Variants in COL25A1 observed in about 807,000 individuals in gnomAD.
COL25A1 encodes the protein collagen type XXV alpha 1 chain.
COL25A1 carries 103 observed loss-of-function variants against 128.4 expected under a neutral mutation model. The ratio of observed to expected loss-of-function variants is 0.80; its 90% CI spans 0.68 to 0.94. The LOEUF (loss-of-function observed/expected upper bound fraction) is 0.94. Among genes scored for constraint, COL25A1 ranks in the 40% least tolerant of loss-of-function variants. COL25A1 has a pLI of 0.00. For missense variants in COL25A1, 745 were observed against 840.0 expected (o/e 0.89, Z 1.40); for synonymous variants, 279 against 277.2 (o/e 1.01, Z -0.06).
chr4:108,915,986 T>C (rs1248375139), intron 13 of COL25A1, among the ~76,000 whole-genome samples: 1 of 152,240 alleles, frequency 6.6e-6, no homozygotes, highest in Admixed American at 6.5e-5. Flanking sequence ...TCATTTCATG[T>C]GCTCTAAGTA....
At chr4:109,052,193 AACAG>A (rs1460855758) in intron 3 of COL25A1, among the ~76,000 whole-genome samples, 3 of 151,504 alleles carry the variant, frequency 2.0e-5, no homozygotes, top group Non-Finnish European at 2.9e-5. Context: ...ATTTTTACTT[AACAG>A]ACAGAAGATT....
At chr4:108,829,361 C>G (rs1732780955) in intron 32 of COL25A1, among the ~76,000 whole-genome samples, 1 of 151,590 alleles carries the variant, frequency 6.6e-6, no homozygotes, top group South Asian at 2.1e-4. Flanking sequence ...AACAAAATAA[C>G]TAGTAAGGTG....
intron 11 of COL25A1, among the ~76,000 whole-genome samples, chr4:108,936,128 T>G (rs932424807): frequency 2.6e-5 from 4 of 152,250 alleles, no homozygotes; most frequent in Non-Finnish European, 1.5e-5. Context: ...GAATTCTTCA[T>G]ACTCTATAAC....
intron 3 of COL25A1, among the ~76,000 whole-genome samples, chr4:109,125,741 CA>C (rs1450807377): frequency 6.6e-6 from 1 of 152,104 alleles, no homozygotes; most frequent in Non-Finnish European, 1.5e-5. Context: ...GATACTGGCA[CA>C]ACTCCTGTAG....
chr4:108,940,789 G>T, intron 9 of COL25A1, 143 bp from the exon 10 acceptor site: 1 of 584,520 alleles, frequency 1.7e-6, no homozygotes, highest in Non-Finnish European at 2.9e-6. Context: ...AAAGCCTGTA[G>T]GCAATTTGCT....
chr4:109,253,916 T>C (rs550981241), intron 3 of COL25A1, among the ~76,000 whole-genome samples: 30 of 152,044 alleles, frequency 2.0e-4, no homozygotes, highest in Non-Finnish European at 2.8e-4. Flanking sequence ...TGAAACCCTG[T>C]CTCTACTAAA....
chr4:109,217,478 G>A (rs1021161210), intron 3 of COL25A1, among the ~76,000 whole-genome samples: 7 of 151,942 alleles, frequency 4.6e-5, no homozygotes, highest in Non-Finnish European at 7.4e-5. Flanking sequence ...CTAAATAACT[G>A]TAAGAGAAAT....
chr4:108,958,682 C>T (rs1200668161), intron 8 of COL25A1, among the ~76,000 whole-genome samples: 2 of 152,064 alleles, frequency 1.3e-5, no homozygotes, highest in East Asian at 3.9e-4. Context: ...ACATTATTTA[C>T]ATGTTACTTA....
Position 108,813,906 on chromosome 4 carries a change from A to C in COL25A1, c.*21T>G, listed in dbSNP as rs746239873. On this transcript the variant is annotated 3_prime_UTR_variant, in exon 38 of 38. Coordinates refer to ENST00000399132, the MANE Select transcript of COL25A1 (RefSeq NM_198721.4). Reference sequence around the variant, plus strand: ...AATGGACCCTTATATACACAACTTCATGCTTGAAAGGTTAGATTCATCACT... The same window carrying C: ...AATGGACCCTTATATACACAACTTCCTGCTTGAAAGGTTAGATTCATCACT... 1.3e-6 allele frequency: 2 copies of C among 1,587,208 alleles called. No homozygotes were observed. Among genetic ancestry groups the C allele is most frequent in the African/African-American group, 2.7e-5 (2 of 74,128 alleles).
chr4:108,873,182 T>TC (rs1738981864), intron 19 of COL25A1, among the ~76,000 whole-genome samples: 1 of 151,966 alleles, frequency 6.6e-6, no homozygotes, highest in Admixed American at 6.6e-5. Flanking sequence ...TGTGAGCCAC[T>TC]CCCCCCAGGC....
intron 3 of COL25A1, among the ~76,000 whole-genome samples, chr4:109,194,733 G>A (rs1256176485): frequency 1.3e-5 from 2 of 151,990 alleles, no homozygotes; most frequent in African/African-American, 2.4e-5. Flanking sequence ...AATGGCCCCC[G>A]TTCTTCACCA....
At chr4:108,916,808 GA>G (rs1744929818) in intron 13 of COL25A1, among the ~76,000 whole-genome samples, 1 of 152,146 alleles carries the variant, frequency 6.6e-6, no homozygotes, top group Non-Finnish European at 1.5e-5. Flanking sequence ...TTACTAAGTG[GA>G]AAATGTAGCT....
At chr4:109,214,794 C>A (rs1777857728) in intron 3 of COL25A1, among the ~76,000 whole-genome samples, 1 of 152,020 alleles carries the variant, frequency 6.6e-6, no homozygotes, top group Admixed American at 6.6e-5. Flanking sequence ...CAAAAAGATG[C>A]CAAAAGGACC....
Position 109,256,352 on chromosome 4 carries a change from T to C in COL25A1, c.367+44231A>G, listed in dbSNP as rs957775515. Among the ~76,000 whole-genome samples, 3 of 152,204 alleles carry C rather than the reference T, an allele frequency of 2.0e-5. No individual in the cohort carries two copies. In the South Asian group the frequency reaches 6.2e-4, roughly 32 times the overall value. On this transcript the variant is annotated intron_variant, in intron 3 of 37. Transcript: ENST00000399132. ...GCAAATAGCCTAGCCATAAGCGACC[T>C]TTAAGGCATCTTCTCAAACCAGGTA...
At chr4:108,833,132 T>C (rs2125732593) in intron 31 of COL25A1, among the ~76,000 whole-genome samples, 1 of 152,296 alleles carries the variant, frequency 6.6e-6, no homozygotes, top group East Asian at 1.9e-4. Context: ...AACTCTTGTT[T>C]TCAGCTGTTT....
Position 108,920,576 on chromosome 4 carries a change from ACCTTTTGTCC to A in COL25A1, c.727_735+1del. The stretch of plus-strand genomic sequence containing the variant: ...TTCACAATATTGTTGTTTATACTCT[ACCTTTTGTCC>A]CGGAGGCCCTAGAGGACCCTAAAAA... On this transcript the variant is annotated splice_donor_variant and coding_sequence_variant, in exon 12 of 38. Transcript: ENST00000399132. LOFTEE classifies it high-confidence loss of function. The A allele has an allele frequency of 6.2e-7, 1 of 1,602,452 alleles. No individual in the cohort carries two copies. Among genetic ancestry groups the A allele is most frequent in the Non-Finnish European group, 8.5e-7 (1 of 1,171,758 alleles).
chr4:108,863,899 A>C (rs1413158039), intron 20 of COL25A1, among the ~76,000 whole-genome samples: 1 of 152,100 alleles, frequency 6.6e-6, no homozygotes, highest in East Asian at 1.9e-4. Context: ...CTCAGACTGA[A>C]AGTTACACCA....
chr4:109,034,124 G>A (rs998861950), intron 5 of COL25A1, among the ~76,000 whole-genome samples: 3 of 152,070 alleles, frequency 2.0e-5, no homozygotes, highest in African/African-American at 7.2e-5. Context: ...CAAAAATGTA[G>A]TAGTATTGAA....
At position 109,258,925 on chromosome 4, in the gene COL25A1, C is replaced by A. The variant is rs535122739; in HGVS notation, c.367+41658G>T. Among the ~76,000 whole-genome samples the A allele has an allele frequency of 3.9e-5, 6 of 152,282 alleles. No homozygotes were observed. In the East Asian group the frequency reaches 1.2e-3, roughly 29 times the overall value. ...AGACATCTTTCTTCCAGCTAAAAGT[C>A]ATGGTCTAACAGTTTTGAATTCCAC... is the stretch of plus-strand genomic sequence containing the variant. On this transcript the variant is annotated intron_variant, in intron 3 of 37. Transcript: ENST00000399132.
Sources: allele counts gnomAD v4.1 joint callset (sites outside exome capture counted in the v4.1 genomes callset), GRCh38; gene constraint gnomAD v4.1.1; transcripts MANE v1.5; gene names NCBI Gene and HGNC (gene_info 2026-07-23, HGNC 2026-07-21).